The following CNTN4 variants were observed in gnomAD, a reference collection of about 807,000 sequenced individuals.
The protein encoded by CNTN4 is contactin 4.
CNTN4 carries 77 observed loss-of-function variants against 122.5 expected under a neutral mutation model. The ratio of observed to expected loss-of-function variants is 0.63; its 90% CI spans 0.52 to 0.76. CNTN4 has a LOEUF of 0.76. Among genes scored for constraint, CNTN4 ranks in the 30% least tolerant of loss-of-function variants. The pLI, the probability that CNTN4 is intolerant of heterozygous loss-of-function variation, is 0.00. For missense variants in CNTN4, 1,256 were observed against 1,259.1 expected (o/e 1.00, Z 0.04); for synonymous variants, 512 against 447.0 (o/e 1.15, Z -1.83).
intron 3 of CNTN4, among the ~76,000 whole-genome samples, chr3:2,508,982 AC>A (rs1392720204): frequency 6.6e-6 from 1 of 152,204 alleles, no homozygotes; most frequent in Non-Finnish European, 1.5e-5. Flanking sequence ...TTAGTAATTA[AC>A]ACCTACCATT....
intron 2 of CNTN4, among the ~76,000 whole-genome samples, chr3:2,183,136 C>T (rs949360012): frequency 6.6e-6 from 1 of 152,044 alleles, no homozygotes; most frequent in Non-Finnish European, 1.5e-5. Flanking sequence ...CAGAAAGCAG[C>T]TATAACATTT....
chr3:2,111,601 A>G lies in CNTN4; in HGVS notation c.-145+10962A>G, dbSNP rs189914223. Among the ~76,000 whole-genome samples the G allele has an allele frequency of 2.2e-4, 33 of 152,294 alleles. No homozygotes were observed. In the East Asian group the frequency reaches 5.8e-3, roughly 27 times the overall value. ...CAGACTTGGTGATTTAGAATGACTC[A>G]GTGATTCATATCCTGTCTCTACTAC... On this transcript the variant is annotated intron_variant, in intron 2 of 24. Coordinates refer to ENST00000418658, the MANE Select transcript of CNTN4 (RefSeq NM_175607.3).
At position 2,304,240 on chromosome 3, in the gene CNTN4, CT is replaced by C. The variant is rs2042625965; in HGVS notation, c.-144-34936del. ...GATTTATATGCTTATTAACTTTATCCTTCATATCAAATTAAATTTGTTATTG... is the reference window on the plus strand; with the variant it reads ...GATTTATATGCTTATTAACTTTATCCTCATATCAAATTAAATTTGTTATTG... On this transcript the variant is annotated intron_variant, in intron 2 of 24. Coordinates refer to ENST00000418658, the MANE Select transcript of CNTN4 (RefSeq NM_175607.3). Among the ~76,000 whole-genome samples, 7 of 152,106 alleles carry C rather than the reference CT, an allele frequency of 4.6e-5. No homozygotes were observed. In the South Asian group the frequency reaches 1.5e-3, roughly 32 times the overall value.
intron 13 of CNTN4, among the ~76,000 whole-genome samples, chr3:2,981,673 ATT>A (rs1447589161): frequency 2.0e-5 from 3 of 152,216 alleles, no homozygotes; most frequent in African/African-American, 7.2e-5. Context: ...TGCATTTCAA[ATT>A]TTTCCTTGAG....
At chr3:2,846,470 T>C (rs528198242) in intron 7 of CNTN4, among the ~76,000 whole-genome samples, 1 of 152,318 alleles carries the variant, frequency 6.6e-6, no homozygotes, top group Non-Finnish European at 1.5e-5. Flanking sequence ...CAATTAAACC[T>C]CTTTCCTTTA....
chr3:2,643,095 T>C (rs543802826), intron 4 of CNTN4, among the ~76,000 whole-genome samples: 14 of 152,348 alleles, frequency 9.2e-5, no homozygotes, highest in Admixed American at 2.6e-4. Flanking sequence ...CTATCATCTC[T>C]ATGGAGCCCC....
intron 3 of CNTN4, among the ~76,000 whole-genome samples, chr3:2,402,360 C>T (rs1311194896): frequency 2.0e-5 from 3 of 152,058 alleles, no homozygotes; most frequent in African/African-American, 7.2e-5. Flanking sequence ...TTAGAATTGT[C>T]AGGTTCAAGT....
At position 2,159,359 on chromosome 3, in the gene CNTN4, A is replaced by C. The variant is rs562903051; in HGVS notation, c.-145+58720A>C. Among the ~76,000 whole-genome samples, 10 of 148,512 alleles carry C rather than the reference A, an allele frequency of 6.7e-5. No individual in the cohort carries two copies. In the South Asian group the frequency reaches 2.1e-3, roughly 31 times the overall value. On this transcript the variant is annotated intron_variant, in intron 2 of 24. Transcript: ENST00000418658. ...CTTAATATTTTAACAATATCAAAAC[A>C]GAAAAAAAATTGTTAGGCATAAATT...
At chr3:2,575,821 T>C (rs1291045135) in intron 4 of CNTN4, among the ~76,000 whole-genome samples, 3,728 of 138,408 alleles carry the variant, frequency 0.027, 86 homozygotes, top group African/African-American at 0.058. Flanking sequence ...TTTTTTTTTT[T>C]TTTTTTTTTT....
intron 2 of CNTN4, among the ~76,000 whole-genome samples, chr3:2,241,393 A>T (rs1483378794): frequency 6.6e-6 from 1 of 152,106 alleles, no homozygotes; most frequent in Admixed American, 6.6e-5. Flanking sequence ...TCATCAACTC[A>T]TTATATGTCC....
intron 3 of CNTN4, among the ~76,000 whole-genome samples, chr3:2,376,132 G>A (rs1388981594): frequency 6.6e-6 from 1 of 152,136 alleles, no homozygotes. Flanking sequence ...TAATTGCTGA[G>A]TAAAGTCATG....
At chr3:2,169,434 T>C (rs1336336485) in intron 2 of CNTN4, among the ~76,000 whole-genome samples, 3 of 150,460 alleles carry the variant, frequency 2.0e-5, no homozygotes, top group Admixed American at 2.0e-4. Flanking sequence ...TGAGACGGAG[T>C]CTGGCTCTGT....
chr3:2,382,121 T>C (rs879576709), intron 3 of CNTN4, among the ~76,000 whole-genome samples: 2 of 152,046 alleles, frequency 1.3e-5, no homozygotes, highest in African/African-American at 4.8e-5. Flanking sequence ...ATAAAAAACA[T>C]GGTATACACC....
At chr3:2,739,639 T>G (rs576188508) in intron 5 of CNTN4, among the ~76,000 whole-genome samples, 1 of 152,218 alleles carries the variant, frequency 6.6e-6, no homozygotes, top group East Asian at 1.9e-4. Context: ...TCTCTTAGGA[T>G]TTTTCAGCTA....
At chr3:2,707,629 T>C (rs942452190) in intron 4 of CNTN4, among the ~76,000 whole-genome samples, 23 of 137,648 alleles carry the variant, frequency 1.7e-4, no homozygotes, top group Non-Finnish European at 3.2e-4. Flanking sequence ...GTTTGATGCT[T>C]CTTTTTCTTT....
In CNTN4 at chr3:2,819,530, C is replaced by G. The variant is rs775849107; in HGVS notation, c.403C>G (p.Arg135Gly). The change falls in exon 7 of 25, where the codon CGT (arginine) becomes GGT (glycine). Residue 135 changes from arginine (R) to glycine (G), a missense_variant. By Grantham distance (125) the Arg-to-Gly change is moderately radical. Transcript: ENST00000418658. ...AAGAACAAGAAGCACTGTGTCTGTC[C>G]GTCGAGGTCAAGGAATGGTGCTACT... ...KTRTRSTVSV[R>G]RGQGMVLLCG... The G allele has an allele frequency of 6.2e-7, 1 of 1,614,010 alleles. No individual in the cohort carries two copies. The highest frequency in any genetic ancestry group is 8.5e-7 in the Non-Finnish European group (1 of 1,179,990).
rs1379601065 is a variant in CNTN4 at position 2,120,410 on chromosome 3, T to G, written c.-145+19771T>G. Among the ~76,000 whole-genome samples the G allele has an allele frequency of 5.8e-4, 69 of 118,040 alleles. 1 individual carries two copies. Among genetic ancestry groups the G allele is most frequent in the Non-Finnish European group, 7.6e-4 (46 of 60,226 alleles). 77.4% of individuals were successfully genotyped at this position (118,040 alleles called of 152,430 possible). ...ATATATATATATATATATATATTTT[T>G]TTTTTTTTTTTTATGCAGAGTCTCA... On this transcript the variant is annotated intron_variant, in intron 2 of 24. Transcript: ENST00000418658.
At chr3:2,310,556 C>G (rs2150135670) in intron 2 of CNTN4, among the ~76,000 whole-genome samples, 1 of 152,264 alleles carries the variant, frequency 6.6e-6, no homozygotes, top group South Asian at 2.1e-4. Flanking sequence ...TACCTCATCA[C>G]ACTTTCTCCT....
intron 3 of CNTN4, among the ~76,000 whole-genome samples, chr3:2,393,070 A>G (rs1310174325): frequency 4.6e-5 from 7 of 152,248 alleles, no homozygotes; most frequent in African/African-American, 1.4e-4. Flanking sequence ...TACTTCTGAG[A>G]GCTGTGAGCC....
Sources: gnomAD v4.1 joint callset for allele counts (sites outside exome capture counted in the v4.1 genomes callset) on GRCh38, gnomAD v4.1.1 for gene constraint, MANE v1.5 for transcripts, NCBI Gene and HGNC (gene_info 2026-07-23, HGNC 2026-07-21) for gene names.